Variants in IDH3A observed in about 807,000 individuals in gnomAD.
IDH3A encodes the protein isocitrate dehydrogenase (NAD(+)) 3 catalytic subunit alpha.
IDH3A carries 23 observed loss-of-function variants against 43.3 expected under a neutral mutation model. The ratio of observed to expected loss-of-function variants is 0.53; its 90% CI spans 0.38 to 0.75. The LOEUF is 0.75. IDH3A is among the 30% of genes least tolerant of loss of function. IDH3A has a pLI of 0.00. For missense variants in IDH3A, 329 were observed against 474.4 expected (o/e 0.69, Z 2.85); for synonymous variants, 154 against 163.5 (o/e 0.94, Z 0.44).
chr15:78,166,346 C>T, intron 10 of IDH3A, 44 bp downstream of exon 10: 2 of 1,582,710 alleles, frequency 1.3e-6, no homozygotes, highest in South Asian at 2.2e-5. Flanking sequence ...AAATGCATTG[C>T]TTCCATGTGT....
At chr15:78,149,454 T>TGGCAGGCA in intron 1 of IDH3A, 24 bp downstream of exon 1, 1 of 1,528,188 alleles carries the variant, frequency 6.5e-7, no homozygotes, top group Admixed American at 1.9e-5. Flanking sequence ...GGCCGGCGTG[T>TGGCAGGCA]GGCAGGCAGG....
intron 3 of IDH3A, among the ~76,000 whole-genome samples, chr15:78,158,670 T>G (rs943414559): frequency 6.7e-6 from 1 of 149,050 alleles, no homozygotes; most frequent in Admixed American, 6.7e-5. Flanking sequence ...AGAGACAGGG[T>G]TTCATCATAT....
intron 3 of IDH3A, among the ~76,000 whole-genome samples, chr15:78,158,471 T>A (rs2868608): frequency 4.2e-3 from 257 of 61,422 alleles, no homozygotes; most frequent in African/African-American, 0.017. Context: ...ATATTTTTTT[T>A]TTTTTTTTTT....
intron 1 of IDH3A, among the ~76,000 whole-genome samples, chr15:78,150,285 C>CA (rs1449413181): frequency 1.3e-5 from 2 of 152,206 alleles, no homozygotes; most frequent in Non-Finnish European, 2.9e-5. Context: ...AGGTCGGTGT[C>CA]AGAGCAGGGA....
At chr15:78,162,840 C>T (rs945757351) in intron 6 of IDH3A, among the ~76,000 whole-genome samples, 3 of 152,168 alleles carry the variant, frequency 2.0e-5, no homozygotes, top group Non-Finnish European at 1.5e-5. Context: ...GCCTCTGCGC[C>T]CGGCCTGGAG....
chr15:78,160,262 A>T, intron 4 of IDH3A, 56 bp downstream of exon 4: 1 of 1,044,360 alleles, frequency 9.6e-7, no homozygotes, highest in Non-Finnish European at 1.5e-6. Context: ...GGGGTTACTT[A>T]GTTTTGAAAA....
chr15:78,163,912 A>C, intron 8 of IDH3A, 132 bp downstream of exon 8: 1 of 648,446 alleles, frequency 1.5e-6, no homozygotes, highest in South Asian at 2.0e-5. Context: ...ATTGAATTCT[A>C]ACAGTTCAGG....
Position 78,161,727 on chromosome 15 carries a change from C to T in IDH3A, c.436C>T (p.Arg146Ter). ...CACCGATGTAAATATTGTGACCATT[C>T]GAGAGAACACAGAAGGAGAATACAG... Reference protein sequence around the residue: ...PYTDVNIVTIRENTEGEYSGI... With the variant: ...PYTDVNIVTI Residue 146 changes from arginine (R) to a stop codon, truncating the protein, a stop_gained, in exon 5 of 11, where the codon CGA becomes TGA. Coordinates refer to ENST00000299518, the MANE Select transcript of IDH3A (RefSeq NM_005530.3). LOFTEE classifies it high-confidence loss of function. The surrounding 1 kb of genome is among the most constrained non-coding windows in gnomAD (Gnocchi z 4.8). 3.7e-6 allele frequency: 6 copies of T among 1,614,052 alleles called. No individual in the cohort carries two copies. The highest frequency in any genetic ancestry group is 4.2e-6 in the Non-Finnish European group (5 of 1,179,982).
chr15:78,166,730 C>T (rs192823399), intron 10 of IDH3A, among the ~76,000 whole-genome samples: 30 of 152,294 alleles, frequency 2.0e-4, no homozygotes, highest in African/African-American at 6.7e-4. Flanking sequence ...CTCCCGGGTT[C>T]AAGCAGTTCT....
rs539907898 is a variant in IDH3A at position 78,158,570 on chromosome 15, G to A, written c.174+939G>A. Among the ~76,000 whole-genome samples the A allele has an allele frequency of 6.5e-4, 90 of 138,564 alleles. 1 individual carries two copies. The highest frequency in any genetic ancestry group is 4.4e-3 in the Middle Eastern group (1 of 228). 90.9% of individuals were successfully genotyped at this position (138,564 alleles called of 152,430 possible). On this transcript the variant is annotated intron_variant, in intron 3 of 10. Coordinates refer to ENST00000299518, the MANE Select transcript of IDH3A (RefSeq NM_005530.3). ...CGGCTCACTGCAACCTCTGCCTCCC[G>A]GGTTCAAGCGATTCTCCTGTCTCAG...
At chr15:78,157,015 C>T in intron 2 of IDH3A, 4 of 1,322,970 alleles carry the variant, frequency 3.0e-6, no homozygotes, top group Middle Eastern at 2.7e-4. Flanking sequence ...CTGATTTTCC[C>T]TGAGTACCAA....
In IDH3A at chr15:78,169,120, T is replaced by C; in HGVS notation, c.*115T>C. ...TGCTTGTTTCTTGACAGTACATTTT[T>C]AGATCTGGCCTTTTCTTAACAAAAT... On this transcript the variant is annotated 3_prime_UTR_variant, in exon 11 of 11. Transcript: ENST00000299518. 1.7e-6 allele frequency: 1 copy of C among 584,952 alleles called. No homozygotes were observed. Among genetic ancestry groups the C allele is most frequent in the South Asian group, 2.9e-5 (1 of 33,950 alleles). The allele number at this position is 584,952 out of a possible 1,614,324, so 36.2% of individuals were successfully genotyped here.
Position 78,161,506 on chromosome 15 carries a change from C to G in IDH3A, c.290-75C>G. ...AGGCAGAACACATTTCACAAGGTAG[C>G]CGAGGTGGGTTAGTAGGTCACACGT... is the stretch of plus-strand genomic sequence containing the variant. On this transcript the variant is annotated intron_variant, in intron 4 of 10. Transcript: ENST00000299518. The surrounding 1 kb of genome is among the most constrained non-coding windows in gnomAD (Gnocchi z 4.8). The G allele has an allele frequency of 8.6e-7, 1 of 1,161,486 alleles. No homozygotes were observed. The highest frequency in any genetic ancestry group is 1.3e-5 in the South Asian group (1 of 74,342). The allele number at this position is 1,161,486 out of a possible 1,614,324, so 71.9% of individuals were successfully genotyped here.
intron 10 of IDH3A, 104 bp from the exon 11 acceptor site, chr15:78,168,818 C>A: frequency 1.4e-6 from 1 of 692,692 alleles, no homozygotes. Flanking sequence ...GAAAGAGCAG[C>A]CGAGTAACTT....
chr15:78,166,473 G>A (rs1403071472), intron 10 of IDH3A, 171 bp downstream of exon 10: 2 of 686,190 alleles, frequency 2.9e-6, no homozygotes, highest in Non-Finnish European at 5.1e-6. Flanking sequence ...GTGTGCACAT[G>A]TGTGCATTTT....
In IDH3A at chr15:78,170,209, G is replaced by A. The variant is rs1236552418; in HGVS notation, c.*1204G>A. ...GTCTTCCTCTCCCTTCTCCTCTGCT[G>A]CAGCATGATTTTCTTAATCTTCAGA... On this transcript the variant is annotated 3_prime_UTR_variant, in exon 11 of 11. Coordinates refer to ENST00000299518, the MANE Select transcript of IDH3A (RefSeq NM_005530.3). 1 of 152,162 alleles carries A rather than the reference G, an allele frequency of 6.6e-6. No homozygotes were observed. The highest frequency in any genetic ancestry group is 1.5e-5 in the Non-Finnish European group (1 of 68,020). 9.4% of individuals were successfully genotyped at this position (152,162 alleles called of 1,614,324 possible). A position where few individuals can be genotyped will look rare whatever the true frequency, so the allele number is the denominator to read the frequency against.
intron 3 of IDH3A, among the ~76,000 whole-genome samples, 186 bp downstream of exon 3, chr15:78,157,817 T>C (rs1198113468): frequency 6.6e-6 from 1 of 151,874 alleles, no homozygotes; most frequent in Non-Finnish European, 1.5e-5. Flanking sequence ...CCATTATTTC[T>C]TTCTTTCTTT....
chr15:78,160,040 C>T, intron 3 of IDH3A, 52 bp from the exon 4 acceptor site: 1 of 1,082,406 alleles, frequency 9.2e-7, no homozygotes, highest in South Asian at 1.2e-5. Flanking sequence ...GTATGAATGC[C>T]AGTTTCCTTT....
chr15:78,158,461 ATATTTTTTTTTTT>A (rs2141945901), intron 3 of IDH3A, among the ~76,000 whole-genome samples: 1 of 66,498 alleles, frequency 1.5e-5, no homozygotes, highest in East Asian at 3.0e-4. Context: ...ATATATATAT[ATATTTTTTTTTTT>A]TTTTTTTTTT....
Sources: allele counts gnomAD v4.1 joint callset (sites outside exome capture counted in the v4.1 genomes callset), GRCh38; gene constraint gnomAD v4.1.1; non-coding constraint Gnocchi (gnomAD v3.1); transcripts MANE v1.5; gene names NCBI Gene and HGNC (gene_info 2026-07-23, HGNC 2026-07-21).